CNBD2: variants seen among roughly 807,000 people sequenced by gnomAD.
CNBD2 encodes the protein cyclic nucleotide binding domain containing 2.
A neutral mutation model predicts 63.7 loss-of-function variants in CNBD2; 64 were observed. The observed-to-expected ratio is 1.00, with a 90% CI of 0.82 to 1.24. CNBD2 has a LOEUF of 1.24. Among genes scored for constraint, CNBD2 ranks in the 50% most tolerant of loss-of-function variants. The pLI, the probability that CNBD2 is intolerant of heterozygous loss-of-function variation, is 0.00. For missense variants in CNBD2, 691 were observed against 713.5 expected (o/e 0.97, Z 0.36); for synonymous variants, 229 against 255.4 (o/e 0.90, Z 0.99).
At chr20:35,977,068 G>T (rs1470916571) in intron 3 of CNBD2, among the ~76,000 whole-genome samples, 1 of 152,196 alleles carries the variant, frequency 6.6e-6, no homozygotes, top group Non-Finnish European at 1.5e-5. Flanking sequence ...GCTAGTGTGT[G>T]ACACTGAGCA....
intron 8 of CNBD2, among the ~76,000 whole-genome samples, chr20:36,000,605 G>T (rs547727288): frequency 2.0e-5 from 3 of 152,208 alleles, no homozygotes; most frequent in Middle Eastern, 3.4e-3. Flanking sequence ...TGTCACCCAG[G>T]CTGGAGTGCA....
upstream of CNBD2, among the ~76,000 whole-genome samples, chr20:35,965,409 C>T (rs2056338119): frequency 6.6e-6 from 1 of 152,124 alleles, no homozygotes; most frequent in African/African-American, 2.4e-5. Flanking sequence ...AGCTCCTGAC[C>T]TCAGGTGATC....
chr20:35,993,438 A>G (rs987039198), intron 7 of CNBD2, among the ~76,000 whole-genome samples: 1 of 152,170 alleles, frequency 6.6e-6, no homozygotes, highest in Non-Finnish European at 1.5e-5. Flanking sequence ...GCTCAACTGA[A>G]TATTTGTTAT....
chr20:36,023,776 G>A lies in CNBD2; in HGVS notation c.1439+5G>A. 1 of 1,595,034 alleles carries A rather than the reference G, an allele frequency of 6.3e-7. No individual in the cohort carries two copies. On this transcript the variant is annotated splice_donor_5th_base_variant and intron_variant, in intron 11 of 11. Coordinates refer to ENST00000373973, the MANE Select transcript of CNBD2 (RefSeq NM_001365709.1). ...GCTCAATATTGCATTCCCCAGGTCAGTACTGGAAATGTGCGTAAGTCCCAT... is the reference window on the plus strand; with the variant it reads ...GCTCAATATTGCATTCCCCAGGTCAATACTGGAAATGTGCGTAAGTCCCAT...
chr20:35,958,160 T>C (rs1438383599), downstream of CNBD2, among the ~76,000 whole-genome samples: 1 of 152,118 alleles, frequency 6.6e-6, no homozygotes, highest in Non-Finnish European at 1.5e-5. Context: ...TGGCCAAGCA[T>C]GGTGGCTCAT....
chr20:36,014,182 C>CA lies in CNBD2; in HGVS notation c.1269+2938dup, dbSNP rs1398212585. 9.4e-3 allele frequency among the ~76,000 whole-genome samples: 889 copies of CA among 94,796 alleles called. 30 individuals carry two copies. Among genetic ancestry groups the CA allele is most frequent in the Admixed American group, 0.047 (448 of 9,504 alleles). 62.2% of individuals were successfully genotyped at this position (94,796 alleles called of 152,430 possible). A position where few individuals can be genotyped will look rare whatever the true frequency, so the allele number is the denominator to read the frequency against. ...TAGGTGACAGAGCAAGACTCCATCTCAAAAAAAAAAAAAGGAAATATGTAT... is the reference window on the plus strand; with the variant it reads ...TAGGTGACAGAGCAAGACTCCATCTCAAAAAAAAAAAAAAGGAAATATGTAT... On this transcript the variant is annotated intron_variant, in intron 10 of 11. Transcript: ENST00000373973.
intron 11 of CNBD2, among the ~76,000 whole-genome samples, chr20:36,026,722 C>T (rs1396090026): frequency 6.6e-6 from 1 of 152,224 alleles, no homozygotes; most frequent in African/African-American, 2.4e-5. Context: ...TAAATTCCTG[C>T]TCATTCTCTA....
At chr20:36,019,506 A>G (rs1469436578) in intron 10 of CNBD2, among the ~76,000 whole-genome samples, 1 of 139,290 alleles carries the variant, frequency 7.2e-6, no homozygotes, top group Non-Finnish European at 1.5e-5. Flanking sequence ...CTAGGGACAG[A>G]GTGAGACCTT....
rs561843998 is a variant in CNBD2 at position 35,963,362 on chromosome 20, GAAAT to G, written c.228+5592_228+5595del. ...TCTCCAAATTAAAAAAAAAAAAAAGGAAATAAAATCAGAAAATTAGTCTACTTAA... is the reference window on the plus strand; with the variant it reads ...TCTCCAAATTAAAAAAAAAAAAAAGGAAAATCAGAAAATTAGTCTACTTAA... On this transcript the variant is annotated intron_variant, in intron 2 of 4. Transcript: ENST00000622112. 2.1e-4 allele frequency among the ~76,000 whole-genome samples: 32 copies of G among 150,130 alleles called. No homozygotes were observed. The East Asian group carries it at 6.3e-3, about 29-fold the overall frequency.
chr20:36,025,252 CTATGGTA>C (rs1245743916), intron 11 of CNBD2, among the ~76,000 whole-genome samples: 2 of 152,114 alleles, frequency 1.3e-5, no homozygotes, highest in Non-Finnish European at 2.9e-5. Context: ...ATGACAATGC[CTATGGTA>C]AGAGTCGTTT....
chr20:35,990,925 T>TG (rs1459768244), intron 7 of CNBD2, among the ~76,000 whole-genome samples: 11 of 152,296 alleles, frequency 7.2e-5, no homozygotes, highest in African/African-American at 2.6e-4. Flanking sequence ...CTCTCCAGCC[T>TG]GGGTGACAGA....
At chr20:35,979,041 T>A (rs961379426) in intron 3 of CNBD2, among the ~76,000 whole-genome samples, 4 of 152,168 alleles carry the variant, frequency 2.6e-5, no homozygotes, top group Non-Finnish European at 5.9e-5. Context: ...TTTTGGGTAG[T>A]GGGATTATGG....
chr20:35,990,235 A>C (rs913922676), intron 7 of CNBD2, among the ~76,000 whole-genome samples: 2 of 152,206 alleles, frequency 1.3e-5, no homozygotes, highest in African/African-American at 4.8e-5. Flanking sequence ...GTCTTAGGAA[A>C]GTGATAAAAG....
chr20:35,968,112 A>T (rs1428341356), upstream of CNBD2, among the ~76,000 whole-genome samples: 3 of 152,194 alleles, frequency 2.0e-5, no homozygotes, highest in African/African-American at 7.2e-5. Flanking sequence ...CTTTTGGCTG[A>T]GATCAAGTGT....
At chr20:36,008,159 C>A in intron 8 of CNBD2, 138 bp from the exon 9 acceptor site, 1 of 702,884 alleles carries the variant, frequency 1.4e-6, no homozygotes, top group South Asian at 2.0e-5. Flanking sequence ...AGTGTTTTAT[C>A]TTTCTTTTTT....
At chr20:36,008,684 C>T (rs2057016940) in intron 9 of CNBD2, among the ~76,000 whole-genome samples, 1 of 152,196 alleles carries the variant, frequency 6.6e-6, no homozygotes, top group Admixed American at 6.5e-5. Flanking sequence ...AAGGCTACGT[C>T]AGGCATTCAG....
At chr20:36,005,330 T>G (rs2056969944) in intron 8 of CNBD2, among the ~76,000 whole-genome samples, 1 of 152,176 alleles carries the variant, frequency 6.6e-6, no homozygotes, top group Non-Finnish European at 1.5e-5. Flanking sequence ...TCATGCACAG[T>G]TCTCAATAGG....
intron 3 of CNBD2, among the ~76,000 whole-genome samples, chr20:35,976,844 T>C (rs906228360): frequency 6.6e-6 from 1 of 152,216 alleles, no homozygotes; most frequent in Admixed American, 6.5e-5. Flanking sequence ...TGTTGTTTTT[T>C]TCCTCAGTGG....
At chr20:35,998,874 CAAAAAAAAA>C (rs74173968) in intron 8 of CNBD2, among the ~76,000 whole-genome samples, 1 of 47,376 alleles carries the variant, frequency 2.1e-5, no homozygotes, top group Non-Finnish European at 4.2e-5. Flanking sequence ...CTGTGTCTCT[CAAAAAAAAA>C]AAAAAAAAAA....
Sources: allele counts gnomAD v4.1 joint callset (sites outside exome capture counted in the v4.1 genomes callset), GRCh38; gene constraint gnomAD v4.1.1; transcripts MANE v1.5; gene names NCBI Gene and HGNC (gene_info 2026-07-23, HGNC 2026-07-21).